The following NOTCH2 variants were observed in gnomAD, a reference collection of about 807,000 sequenced individuals.
NOTCH2 encodes the protein notch receptor 2, also known as neurogenic locus notch homolog protein 2.
A neutral mutation model predicts 235.8 loss-of-function variants in NOTCH2; 29 were observed. That is an observed-to-expected ratio of 0.12 (90% CI 0.09 to 0.17). The LOEUF (loss-of-function observed/expected upper bound fraction) is 0.17. Among genes scored for constraint, NOTCH2 ranks in the 10% least tolerant of loss-of-function variants. The probability of loss-of-function intolerance (pLI) is 1.00; values close to 1 mark genes in which losing one functional copy is unlikely to be tolerated. For synonymous variants in NOTCH2, 1,086 were observed against 1,141.5 expected (o/e 0.95, Z 0.98); for missense variants, 2,285 against 3,150.2 (o/e 0.73, Z 6.57).
At position 120,061,341 on chromosome 1, in the gene NOTCH2, CA is replaced by C. The variant is rs200420620; in HGVS notation, c.73+7992del. Among the ~76,000 whole-genome samples, 262 of 129,450 alleles carry C rather than the reference CA, an allele frequency of 2.0e-3. 2 individuals are homozygous for C. The highest frequency in any genetic ancestry group is 6.9e-3 in the African/African-American group (237 of 34,594). 84.9% of individuals were successfully genotyped at this position (129,450 alleles called of 152,430 possible). On this transcript the variant is annotated intron_variant, in intron 1 of 33. Coordinates refer to ENST00000256646, the MANE Select transcript of NOTCH2 (RefSeq NM_024408.4). ...CTTAAAAACTTACAGAATCTTCTCA[CA>C]AAAAAAAAGATGAAAATAAAAAGAG...
At chr1:119,925,207 G>A in intron 25 of NOTCH2, 98 bp downstream of exon 25, 1 of 1,488,800 alleles carries the variant, frequency 6.7e-7, no homozygotes. Flanking sequence ...AGCAGAGGCA[G>A]CTTAGGCTGA....
chr1:119,964,860 C>T (rs1163442176), intron 10 of NOTCH2, among the ~76,000 whole-genome samples: 2 of 152,192 alleles, frequency 1.3e-5, no homozygotes, highest in Non-Finnish European at 2.9e-5. Context: ...ATCCCAAGTA[C>T]AAAATGTGAT....
chr1:119,931,569 TAATAG>T (rs1315419465), intron 22 of NOTCH2, among the ~76,000 whole-genome samples: 1 of 152,006 alleles, frequency 6.6e-6, no homozygotes, highest in African/African-American at 2.4e-5. Context: ...ATTGGTGAAT[TAATAG>T]AATAACACAG....
intron 1 of NOTCH2, among the ~76,000 whole-genome samples, chr1:120,041,145 C>A (rs1295892038): frequency 8.3e-6 from 1 of 119,772 alleles, no homozygotes; most frequent in African/African-American, 4.3e-5. Context: ...TTTCTTCAGA[C>A]ATACAGCTAT....
At position 119,935,609 on chromosome 1, in the gene NOTCH2, CATGAGGAAACAA is replaced by C; in HGVS notation, c.3523-17_3523-6del. 2 of 1,613,976 alleles carry C rather than the reference CATGAGGAAACAA, an allele frequency of 1.2e-6. No individual in the cohort carries two copies. The highest frequency in any genetic ancestry group is 1.7e-6 in the Non-Finnish European group (2 of 1,179,990). ...ACCCTGATAGCCTGGGACACACTGC[CATGAGGAAACAA>C]AAAGGACAAGAAATATTGGACCATT... On this transcript the variant is annotated splice_region_variant and splice_polypyrimidine_tract_variant and intron_variant, in intron 21 of 33. Coordinates refer to ENST00000256646, the MANE Select transcript of NOTCH2 (RefSeq NM_024408.4).
intron 11 of NOTCH2, among the ~76,000 whole-genome samples, chr1:119,960,931 G>A (rs1650914571): frequency 6.6e-6 from 1 of 152,160 alleles, no homozygotes; most frequent in South Asian, 2.1e-4. Flanking sequence ...CTCCCAAAAT[G>A]TTGAGATTAC....
chr1:120,003,697 A>G (rs587614515), intron 3 of NOTCH2, among the ~76,000 whole-genome samples: 1 of 152,272 alleles, frequency 6.6e-6, no homozygotes, highest in East Asian at 1.9e-4. Context: ...CAGGTGAGAT[A>G]TGTGTAAAAA....
At chr1:119,966,052 A>C (rs1651122051) in intron 9 of NOTCH2, among the ~76,000 whole-genome samples, 1 of 152,198 alleles carries the variant, frequency 6.6e-6, no homozygotes, top group South Asian at 2.1e-4. Context: ...GGCCTTCAAG[A>C]ATATGACCCA....
intron 1 of NOTCH2, among the ~76,000 whole-genome samples, chr1:120,031,235 G>A (rs1244720594): frequency 1.6e-5 from 2 of 121,410 alleles, no homozygotes; most frequent in African/African-American, 6.3e-5. Context: ...AACAATTACT[G>A]CATAAAAGCC....
In NOTCH2 at chr1:119,920,105, A is replaced by T. The variant is rs587774563; in HGVS notation, c.5479+124T>A. ...CATTCCTTAAGCATTCATTTCCTCG[A>T]GCTGATTTAGAGTCTGTGAAATTGG... is the stretch of plus-strand genomic sequence containing the variant. On this transcript the variant is annotated intron_variant, in intron 30 of 33. Coordinates refer to ENST00000256646, the MANE Select transcript of NOTCH2 (RefSeq NM_024408.4). 1.8e-4 allele frequency: 184 copies of T among 1,018,622 alleles called. No homozygotes were observed. In the African/African-American group the frequency reaches 2.7e-3, roughly 15 times the overall value. 63.1% of individuals were successfully genotyped at this position (1,018,622 alleles called of 1,614,324 possible).
intron 33 of NOTCH2, 92 bp downstream of exon 33, chr1:119,917,573 A>G (rs1431955864): frequency 6.8e-6 from 6 of 884,676 alleles, no homozygotes; most frequent in Non-Finnish European, 1.2e-5. Context: ...GTCTATACAT[A>G]TAACAAGAGA....
intron 22 of NOTCH2, among the ~76,000 whole-genome samples, chr1:119,933,450 T>A (rs1553195406): frequency 6.6e-6 from 1 of 152,198 alleles, no homozygotes; most frequent in East Asian, 1.9e-4. Context: ...GAACTGTAAG[T>A]AGGATAAACT....
intron 28 of NOTCH2, 117 bp downstream of exon 28, chr1:119,922,119 G>C: frequency 8.7e-7 from 1 of 1,149,836 alleles, no homozygotes; most frequent in Non-Finnish European, 1.3e-6. Flanking sequence ...TTAGAATCAT[G>C]GTCAATGTGA....
At chr1:119,963,957 A>G (rs1651039876) in intron 10 of NOTCH2, 150 bp from the exon 11 acceptor site, 1 of 725,112 alleles carries the variant, frequency 1.4e-6, no homozygotes, top group Non-Finnish European at 2.4e-6. Flanking sequence ...GACGATCTGC[A>G]TTGATTTAGA....
At chr1:119,970,700 G>A (rs587697820) in intron 5 of NOTCH2, among the ~76,000 whole-genome samples, 7 of 152,180 alleles carry the variant, frequency 4.6e-5, no homozygotes, top group African/African-American at 1.4e-4. Context: ...AGGAATCTGT[G>A]ATTAACAAAA....
At chr1:120,034,335 C>CAAAAAAAA (rs558577685) in intron 1 of NOTCH2, among the ~76,000 whole-genome samples, 8 of 55,770 alleles carry the variant, frequency 1.4e-4, no homozygotes, top group African/African-American at 7.3e-4. Context: ...TCTACTCCAC[C>CAAAAAAAA]AAAAAAAAAA....
intron 22 of NOTCH2, among the ~76,000 whole-genome samples, chr1:119,934,110 C>T (rs1000554951): frequency 6.6e-6 from 1 of 152,204 alleles, no homozygotes; most frequent in Non-Finnish European, 1.5e-5. Flanking sequence ...TAATTAGCTG[C>T]TATAGCTTGA....
chr1:119,988,891 A>G (rs1207602377), intron 4 of NOTCH2, among the ~76,000 whole-genome samples: 2 of 152,232 alleles, frequency 1.3e-5, no homozygotes, highest in African/African-American at 4.8e-5. Context: ...CTCTAACTTT[A>G]TATTAGCCAA....
chr1:120,065,190 G>C (rs1172067999), intron 1 of NOTCH2, among the ~76,000 whole-genome samples: 1 of 152,162 alleles, frequency 6.6e-6, no homozygotes, highest in African/African-American at 2.4e-5. Context: ...GAAAAATTTG[G>C]TTTTTCCCCA....
Sources: allele counts gnomAD v4.1 joint callset (sites outside exome capture counted in the v4.1 genomes callset), GRCh38; gene constraint gnomAD v4.1.1; transcripts MANE v1.5; gene names NCBI Gene and HGNC (gene_info 2026-07-23, HGNC 2026-07-21).